GABRA6: variants seen among roughly 807,000 people sequenced by gnomAD.
The protein encoded by GABRA6 is gamma-aminobutyric acid type A receptor subunit alpha6, also known as gamma-aminobutyric acid receptor subunit alpha-6.
A neutral mutation model predicts 47.3 loss-of-function variants in GABRA6; 45 were observed. The observed-to-expected ratio is 0.95, with a 90% CI of 0.75 to 1.22. The LOEUF (loss-of-function observed/expected upper bound fraction) is 1.22, where lower values mean the gene tolerates loss of function less well. Ranked by LOEUF, GABRA6 falls within the 50% of genes most tolerant of loss-of-function variation. The pLI, the probability that GABRA6 is intolerant of heterozygous loss-of-function variation, is 0.00. For synonymous variants in GABRA6, 219 were observed against 194.7 expected, an observed-to-expected ratio of 1.12 and a Z score of -1.04; for missense variants, 583 against 549.3, an observed-to-expected ratio of 1.06 and a Z score of -0.61.
rs190382838 is a variant in GABRA6 at position 161,699,584 on chromosome 5, C to G, written c.1087-1914C>G. Among the ~76,000 whole-genome samples, 332 of 129,734 alleles carry G rather than the reference C, an allele frequency of 2.6e-3. 1 individual carries two copies. Among genetic ancestry groups the G allele is most frequent in the South Asian group, 0.011 (46 of 4,096 alleles). 85.1% of individuals were successfully genotyped at this position (129,734 alleles called of 152,430 possible). On this transcript the variant is annotated intron_variant, in intron 8 of 8. Coordinates refer to ENST00000274545, the MANE Select transcript of GABRA6 (RefSeq NM_000811.3). ...TTTTTTTTTTTTTTTTTAATGCAGT[C>G]TTGCTCTGTCCCCAGGCTGAAGTGC... is the stretch of plus-strand genomic sequence containing the variant.
Position 161,702,102 on chromosome 5 carries a change from A to T in GABRA6, c.*329A>T. On this transcript the variant is annotated 3_prime_UTR_variant, in exon 9 of 9. Coordinates refer to ENST00000274545, the MANE Select transcript of GABRA6 (RefSeq NM_000811.3). ...GTCACTGTAAATAACATTTACCACA[A>T]GGCAGATAAAATAAGAAATGCTGAC... 3.4e-6 allele frequency: 1 copy of T among 292,332 alleles called. No individual in the cohort carries two copies. The highest frequency in any genetic ancestry group is 4.7e-5 in the Admixed American group (1 of 21,090). The allele number at this position is 292,332 out of a possible 1,614,324, so 18.1% of individuals were successfully genotyped here.
intron 8 of GABRA6, among the ~76,000 whole-genome samples, chr5:161,696,652 C>T (rs576237492): frequency 3.3e-5 from 5 of 152,172 alleles, no homozygotes; most frequent in Non-Finnish European, 5.9e-5. Context: ...TAGAGATGTT[C>T]CCTAGCACCG....
At chr5:161,700,641 C>T (rs1373160250) in intron 8 of GABRA6, among the ~76,000 whole-genome samples, 1 of 152,206 alleles carries the variant, frequency 6.6e-6, no homozygotes, top group Non-Finnish European at 1.5e-5. Context: ...GGACCCTAGC[C>T]TCACTTGCCA....
chr5:161,690,089 C>T, intron 6 of GABRA6, 112 bp from the exon 7 acceptor site: 2 of 1,010,992 alleles, frequency 2.0e-6, no homozygotes, highest in Non-Finnish European at 3.1e-6. Flanking sequence ...TGTACCTTTG[C>T]TTGTTTTCTT....
At chr5:161,690,143 T>C in intron 6 of GABRA6, 58 bp from the exon 7 acceptor site, 2 of 1,488,256 alleles carry the variant, frequency 1.3e-6, no homozygotes, top group East Asian at 2.3e-5. Context: ...TATATTCAAC[T>C]GCATTCTTTT....
At chr5:161,689,989 A>G (rs574652664) in intron 6 of GABRA6, 1 of 668,616 alleles carries the variant, frequency 1.5e-6, no homozygotes, top group South Asian at 1.9e-5. Context: ...TTTTATGTAT[A>G]TGATATAAAG....
At chr5:161,696,572 C>A (rs560954871) in intron 8 of GABRA6, among the ~76,000 whole-genome samples, 1 of 152,062 alleles carries the variant, frequency 6.6e-6, no homozygotes, top group Non-Finnish European at 1.5e-5. Context: ...TTAGCCCCTT[C>A]CCCATACCTT....
chr5:161,701,863 C>A lies in GABRA6; in HGVS notation c.*90C>A. On this transcript the variant is annotated 3_prime_UTR_variant, in exon 9 of 9. Transcript: ENST00000274545. ...AATAGCATTGAGACTTGTGTAGATG[C>A]TTCTCAGAACATGAAATCAAATTGG... is the stretch of plus-strand genomic sequence containing the variant. 2 of 1,326,800 alleles carry A rather than the reference C, an allele frequency of 1.5e-6. No individual in the cohort carries two copies. The highest frequency in any genetic ancestry group is 1.5e-5 in the African/African-American group (1 of 68,928). The allele number at this position is 1,326,800 out of a possible 1,614,324, so 82.2% of individuals were successfully genotyped here. A position where few individuals can be genotyped will look rare whatever the true frequency, so the allele number is the denominator to read the frequency against.
intron 7 of GABRA6, among the ~76,000 whole-genome samples, chr5:161,691,288 C>CTTTTTTTTTTTTTTTTTTTTTTTT (rs1160422481): frequency 2.4e-5 from 2 of 84,710 alleles, no homozygotes; most frequent in Admixed American, 1.5e-4. Context: ...TTTTTCTTTC[C>CTTTTTTTTTTTTTTTTTTTTTTTT]TTTTTTTTTT....
intron 8 of GABRA6, among the ~76,000 whole-genome samples, chr5:161,697,209 C>T (rs1408913913): frequency 6.6e-6 from 1 of 152,214 alleles, no homozygotes; most frequent in Non-Finnish European, 1.5e-5. Flanking sequence ...AAAACAGTGA[C>T]AGCCCCAAGC....
chr5:161,685,957 G>A lies in GABRA6; in HGVS notation c.-33G>A, dbSNP rs760188714. 22 of 1,603,762 alleles carry A rather than the reference G, an allele frequency of 1.4e-5. No homozygotes were observed. The highest frequency in any genetic ancestry group is 1.7e-5 in the Non-Finnish European group (20 of 1,170,546). Reference sequence around the variant, plus strand: ...TGGCTAGCAGGGAGGACGACCCTAGGAGGGTGAATTCTGCATTTCAGTGCA... The same window carrying A: ...TGGCTAGCAGGGAGGACGACCCTAGAAGGGTGAATTCTGCATTTCAGTGCA... On this transcript the variant is annotated 5_prime_UTR_variant, in exon 1 of 9. Transcript: ENST00000274545.
chr5:161,686,785 T>C, intron 2 of GABRA6, 151 bp from the exon 3 acceptor site: 1 of 718,518 alleles, frequency 1.4e-6, no homozygotes, highest in Non-Finnish European at 2.5e-6. Context: ...TTTTCAGAGT[T>C]GAGAGACCCA....
intron 6 of GABRA6, 183 bp from the exon 7 acceptor site, chr5:161,690,017 TA>T: frequency 1.5e-6 from 1 of 675,732 alleles, no homozygotes; most frequent in Non-Finnish European, 2.6e-6. Flanking sequence ...CTGAAAACAA[TA>T]AGTTGATGTG....
chr5:161,686,839 T>C (rs1174097949), intron 2 of GABRA6, 97 bp from the exon 3 acceptor site: 1 of 1,022,224 alleles, frequency 9.8e-7, no homozygotes, highest in African/African-American at 1.6e-5. Context: ...TTGCAGATAC[T>C]GGCTATGATA....
intron 8 of GABRA6, among the ~76,000 whole-genome samples, chr5:161,693,441 T>C (rs1754837753): frequency 6.6e-6 from 1 of 152,142 alleles, no homozygotes; most frequent in African/African-American, 2.4e-5. Flanking sequence ...TTACCTTCTT[T>C]TATAAGTGAA....
At chr5:161,689,217 A>G (rs1754752092) in intron 4 of GABRA6, 37 bp from the exon 5 acceptor site, 2 of 1,611,820 alleles carry the variant, frequency 1.2e-6, no homozygotes, top group Non-Finnish European at 1.7e-6. Flanking sequence ...ATATGTCCAT[A>G]ATACTAACTC....
At chr5:161,694,179 G>A (rs187288221) in intron 8 of GABRA6, among the ~76,000 whole-genome samples, 27 of 151,546 alleles carry the variant, frequency 1.8e-4, no homozygotes, top group African/African-American at 4.8e-4. Flanking sequence ...CAAGGTATCC[G>A]TATGCATATA....
Position 161,690,313 on chromosome 5 carries a change from C to G in GABRA6, c.786C>G (p.Phe262Leu). The change falls in exon 7 of 9, where the codon TTC becomes TTG. Residue 262 changes from phenylalanine to leucine, a missense_variant. Physicochemically the swap from Phe to Leu is conservative, Grantham distance 22 (BLOSUM62 0). Coordinates refer to ENST00000274545, the MANE Select transcript of GABRA6 (RefSeq NM_000811.3). ...IMTVILSQVSFWINKESVPAR... is the reference protein window; with the variant it reads ...IMTVILSQVSLWINKESVPAR... The stretch of plus-strand genomic sequence containing the variant: ...CAGTCATTCTTTCCCAGGTGTCTTT[C>G]TGGATTAATAAGGAGTCCGTCCCAG... The G allele has an allele frequency of 6.2e-7, 1 of 1,613,784 alleles. No homozygotes were observed. The highest frequency in any genetic ancestry group is 8.5e-7 in the Non-Finnish European group (1 of 1,179,876).
chr5:161,697,753 C>T (rs753885568), intron 8 of GABRA6, among the ~76,000 whole-genome samples: 1 of 152,150 alleles, frequency 6.6e-6, no homozygotes, highest in Non-Finnish European at 1.5e-5. Context: ...GTGCCCAAAA[C>T]GCTAAAGCTG....
Sources: allele counts gnomAD v4.1 joint callset (sites outside exome capture counted in the v4.1 genomes callset), GRCh38; gene constraint gnomAD v4.1.1; transcripts MANE v1.5; gene names NCBI Gene and HGNC (gene_info 2026-07-23, HGNC 2026-07-21).